The following PSMA1 variants were observed in gnomAD, a reference collection of about 807,000 sequenced individuals.
PSMA1 encodes the protein proteasome 20S subunit alpha 1.
Under a neutral mutation model 38.4 loss-of-function variants are expected in PSMA1, and 3 were observed. The ratio of observed to expected loss-of-function variants is 0.08; its 90% CI spans 0.04 to 0.20. PSMA1 has a LOEUF of 0.20. Ranked by LOEUF, PSMA1 falls within the 10% of genes least tolerant of loss-of-function variation. PSMA1 has a pLI of 1.00. For synonymous variants in PSMA1, 101 were observed against 107.1 expected (o/e 0.94, Z 0.35); for missense variants, 227 against 325.3 (o/e 0.70, Z 2.32).
In PSMA1 at chr11:14,642,697, AAC is replaced by A. The variant is rs564892089; in HGVS notation, c.-166+756_-166+757del. ...GTTGAAGCGAGAGCTTAGGGAGGGA[AAC>A]ACAGTTCACTCTCTAAGGCAGTTAT... is the stretch of plus-strand genomic sequence containing the variant. On this transcript the variant is annotated intron_variant, in intron 1 of 10. Transcript: ENST00000418988. 2.0e-5 allele frequency among the ~76,000 whole-genome samples: 3 copies of A among 152,296 alleles called. No homozygotes were observed. In the South Asian group the frequency reaches 6.2e-4, roughly 32 times the overall value.
intron 9 of PSMA1, 60 bp downstream of exon 9, chr11:14,507,596 G>A (rs1851266189): frequency 1.7e-6 from 2 of 1,159,110 alleles, no homozygotes; most frequent in Middle Eastern, 2.6e-4. Context: ...TACAGACACA[G>A]TTGTGGTAAG....
intron 5 of PSMA1, 93 bp downstream of exon 5, chr11:14,514,310 C>A: frequency 1.3e-5 from 19 of 1,430,866 alleles, no homozygotes; most frequent in Non-Finnish European, 1.7e-5. Flanking sequence ...ACAATCTTAC[C>A]TATGTCATAT....
chr11:14,603,537 G>A (rs1289279387), intron 2 of PSMA1, among the ~76,000 whole-genome samples: 2 of 152,188 alleles, frequency 1.3e-5, no homozygotes, highest in African/African-American at 4.8e-5. Context: ...GTGCTTAGGT[G>A]TGTGTCACAG....
intron 1 of PSMA1, chr11:14,519,813 A>C (rs1589981086): frequency 6.3e-6 from 1 of 159,488 alleles, no homozygotes; most frequent in South Asian, 1.7e-4. Flanking sequence ...ACTGGACAAA[A>C]TGATTGAAAA....
At chr11:14,561,233 G>C (rs1047405080) in intron 2 of PSMA1, among the ~76,000 whole-genome samples, 3 of 152,212 alleles carry the variant, frequency 2.0e-5, no homozygotes, top group Non-Finnish European at 4.4e-5. Context: ...CTCTCTTTAT[G>C]TGGCATTTTC....
chr11:14,616,231 G>GTTT lies in PSMA1; in HGVS notation c.-165-5083_-165-5081dup, dbSNP rs34292683. ...AGGTGAGAGTTGGAGGATCCCAACA[G>GTTT]TTTTTTTTTTTTTTTTTTTTGAGAC... On this transcript the variant is annotated intron_variant, in intron 1 of 10. Transcript: ENST00000418988. Among the ~76,000 whole-genome samples the GTTT allele has an allele frequency of 5.2e-3, 664 of 126,640 alleles. 68 individuals are homozygous for GTTT. Among genetic ancestry groups the GTTT allele is most frequent in the African/African-American group, 0.016 (545 of 34,700 alleles). The allele number at this position is 126,640 out of a possible 152,430, so 83.1% of individuals were successfully genotyped here. A position where few individuals can be genotyped will look rare whatever the true frequency, so the allele number is the denominator to read the frequency against.
At chr11:14,576,204 A>G (rs1422636674) in intron 2 of PSMA1, among the ~76,000 whole-genome samples, 1 of 152,098 alleles carries the variant, frequency 6.6e-6, no homozygotes. Context: ...GGTAGATTGT[A>G]AAAATTTTCT....
rs1308558196 is a variant in PSMA1 at position 14,505,125 on chromosome 11, T to C, written c.*67A>G. 5.1e-6 allele frequency: 7 copies of C among 1,381,604 alleles called. No individual in the cohort carries two copies. The highest frequency in any genetic ancestry group is 1.4e-5 in the African/African-American group (1 of 70,356). 85.6% of individuals were successfully genotyped at this position (1,381,604 alleles called of 1,614,324 possible). A position where few individuals can be genotyped will look rare whatever the true frequency, so the allele number is the denominator to read the frequency against. On this transcript the variant is annotated 3_prime_UTR_variant, in exon 10 of 10. Coordinates refer to ENST00000396394, the MANE Select transcript of PSMA1 (RefSeq NM_002786.4). Reference sequence around the variant, plus strand: ...AACTTTTGGTTCAAAGTATAGATTATTGTCATCAGTATGTGGTGCCTGTAT... The same window carrying C: ...AACTTTTGGTTCAAAGTATAGATTACTGTCATCAGTATGTGGTGCCTGTAT...
At chr11:14,622,852 C>T (rs960707623) in intron 1 of PSMA1, among the ~76,000 whole-genome samples, 16 of 152,138 alleles carry the variant, frequency 1.1e-4, no homozygotes, top group Admixed American at 2.6e-4. Context: ...CAGTGTCTTA[C>T]GGCAAGTATC....
At chr11:14,557,540 C>G (rs554573266) in intron 2 of PSMA1, among the ~76,000 whole-genome samples, 18 of 152,300 alleles carry the variant, frequency 1.2e-4, no homozygotes, top group African/African-American at 4.1e-4. Flanking sequence ...ACGTGCCTGG[C>G]CATCTTTTAA....
At chr11:14,603,915 G>A (rs1852613467) in intron 2 of PSMA1, among the ~76,000 whole-genome samples, 1 of 152,138 alleles carries the variant, frequency 6.6e-6, no homozygotes, top group South Asian at 2.1e-4. Context: ...TACAGCTTGT[G>A]GCTTGATTCC....
chr11:14,513,477 T>C (rs556641348), intron 7 of PSMA1, 93 bp downstream of exon 7: 2 of 1,215,772 alleles, frequency 1.6e-6, no homozygotes, highest in Admixed American at 4.0e-5. Flanking sequence ...CTATAAGACT[T>C]ACAGTTTTAT....
intron 2 of PSMA1, among the ~76,000 whole-genome samples, chr11:14,566,748 A>C (rs375243551): frequency 1.4e-4 from 21 of 151,248 alleles, no homozygotes; most frequent in African/African-American, 4.9e-4. Context: ...CTTCATGAGT[A>C]AGCAGAAACC....
chr11:14,529,019 C>T (rs1251552806), intron 2 of PSMA1, among the ~76,000 whole-genome samples: 1 of 151,260 alleles, frequency 6.6e-6, no homozygotes, highest in African/African-American at 2.4e-5. Context: ...ATGTTGCTCA[C>T]ACAAAGCCTG....
chr11:14,539,222 A>G (rs1851744896), intron 2 of PSMA1, among the ~76,000 whole-genome samples: 1 of 152,238 alleles, frequency 6.6e-6, no homozygotes, highest in Non-Finnish European at 1.5e-5. Flanking sequence ...GTTGGCCGGA[A>G]TGAGATATTT....
intron 2 of PSMA1, among the ~76,000 whole-genome samples, chr11:14,568,741 G>A (rs1014988573): frequency 5.3e-5 from 8 of 152,234 alleles, no homozygotes; most frequent in African/African-American, 1.9e-4. Flanking sequence ...AGCTCTTAGT[G>A]TCTTGGCTAG....
At chr11:14,520,846 A>C (rs1851516903), upstream of PSMA1, 1 of 158,364 alleles carries the variant, frequency 6.3e-6, no homozygotes, top group Non-Finnish European at 1.4e-5. Context: ...ATTTGCATTA[A>C]GGTTGGTGCA....
chr11:14,635,172 A>T (rs1853096013), intron 1 of PSMA1, among the ~76,000 whole-genome samples: 1 of 151,502 alleles, frequency 6.6e-6, no homozygotes, highest in South Asian at 2.1e-4. Context: ...GTCTCTAAGG[A>T]ATAAAATCAG....
chr11:14,569,580 G>C (rs1218496612), intron 2 of PSMA1, among the ~76,000 whole-genome samples: 1 of 152,194 alleles, frequency 6.6e-6, no homozygotes, highest in Non-Finnish European at 1.5e-5. Context: ...CTGGCTCAGG[G>C]GGTCCCACAC....
Sources: gnomAD v4.1 joint callset for allele counts (sites outside exome capture counted in the v4.1 genomes callset) on GRCh38, gnomAD v4.1.1 for gene constraint, MANE v1.5 for transcripts, NCBI Gene and HGNC (gene_info 2026-07-23, HGNC 2026-07-21) for gene names.